CHN2: variants seen among roughly 807,000 people sequenced by gnomAD.
CHN2 encodes the protein beta-chimaerin.
A neutral mutation model predicts 56.3 loss-of-function variants in CHN2; 35 were observed. The ratio of observed to expected loss-of-function variants is 0.62; its 90% CI spans 0.47 to 0.82. CHN2 has a LOEUF of 0.82. CHN2 is among the 40% of genes least tolerant of loss of function. CHN2 has a pLI of 0.00. For synonymous variants in CHN2, 210 were observed against 212.8 expected (o/e 0.99, Z 0.12); for missense variants, 491 against 580.5 (o/e 0.85, Z 1.58).
intron 2 of CHN2, among the ~76,000 whole-genome samples, chr7:29,360,251 G>C (rs1798627349): frequency 1.3e-5 from 2 of 152,250 alleles, no homozygotes; most frequent in Non-Finnish European, 2.9e-5. Context: ...GCCGGGTGCA[G>C]TGGCTCACGC....
intron 1 of CHN2, among the ~76,000 whole-genome samples, chr7:29,278,157 T>A (rs1018700101): frequency 1.3e-5 from 2 of 152,190 alleles, no homozygotes; most frequent in Non-Finnish European, 2.9e-5. Context: ...GCTGGAGCAG[T>A]GGTTTGCAAC....
intron 1 of CHN2, among the ~76,000 whole-genome samples, chr7:29,227,636 C>G (rs1786314832): frequency 6.6e-6 from 1 of 152,200 alleles, no homozygotes; most frequent in African/African-American, 2.4e-5. Flanking sequence ...TGTCACCTGC[C>G]TGGGACCCGA....
chr7:29,481,658 G>T (rs199993458), intron 7 of CHN2, among the ~76,000 whole-genome samples: 37 of 130,810 alleles, frequency 2.8e-4, no homozygotes, highest in Admixed American at 6.0e-4. Context: ...AATGCCTCCC[G>T]TTTTTTTTTT....
At chr7:29,376,643 C>T (rs750605086) in intron 3 of CHN2, among the ~76,000 whole-genome samples, 57 of 152,184 alleles carry the variant, frequency 3.7e-4, no homozygotes, top group Non-Finnish European at 5.7e-4. Context: ...CCTCCCTAAT[C>T]CCTTAGGATA....
intron 7 of CHN2, among the ~76,000 whole-genome samples, chr7:29,492,738 G>C (rs574534183): frequency 1.8e-4 from 27 of 152,238 alleles, no homozygotes; most frequent in African/African-American, 6.5e-4. Context: ...ACCTTCTTCA[G>C]TTCAGTTGAG....
intron 1 of CHN2, among the ~76,000 whole-genome samples, chr7:29,329,600 C>T (rs1796066971): frequency 6.6e-6 from 1 of 152,194 alleles, no homozygotes; most frequent in Non-Finnish European, 1.5e-5. Context: ...ACCGCCCTCA[C>T]TCTCTGAAAG....
chr7:29,442,930 A>ATTTTTTTTTTTTTTTTTTT (rs1238691449), intron 6 of CHN2, among the ~76,000 whole-genome samples: 4 of 102,198 alleles, frequency 3.9e-5, no homozygotes, highest in Non-Finnish European at 5.7e-5. Flanking sequence ...ATTTCATTGA[A>ATTTTTTTTTTTTTTTTTTT]TTTCTTTTTT....
intron 3 of CHN2, among the ~76,000 whole-genome samples, chr7:29,387,001 G>A (rs1585228029): frequency 6.6e-6 from 1 of 152,356 alleles, no homozygotes; most frequent in East Asian, 1.9e-4. Context: ...AAGGAGTGAA[G>A]CACAGTACTT....
chr7:29,482,833 T>C lies in CHN2; in HGVS notation c.654+2477T>C, dbSNP rs1467818525. Among the ~76,000 whole-genome samples, 37 of 62,228 alleles carry C rather than the reference T, an allele frequency of 5.9e-4. 3 individuals are homozygous for C. The highest frequency in any genetic ancestry group is 2.4e-3 in the African/African-American group (36 of 15,030). 40.8% of individuals were successfully genotyped at this position (62,228 alleles called of 152,430 possible). On this transcript the variant is annotated intron_variant, in intron 7 of 12. Transcript: ENST00000222792. The stretch of plus-strand genomic sequence containing the variant: ...TTTTTTTTTTTTTTTTTTTTTTTTT[T>C]TTTTTTGAGACGGAGTCTCGCTGTG...
chr7:29,454,788 C>T (rs956335704), intron 6 of CHN2, among the ~76,000 whole-genome samples: 11 of 152,152 alleles, frequency 7.2e-5, no homozygotes, highest in African/African-American at 2.2e-4. Flanking sequence ...TACGTGACTA[C>T]GTGCATTTGT....
intron 1 of CHN2, among the ~76,000 whole-genome samples, chr7:29,275,599 C>T (rs111753387): frequency 0.017 from 2,646 of 152,292 alleles, 86 homozygotes; most frequent in African/African-American, 0.061. Context: ...TTATCTCATG[C>T]CAGCACTGAG....
chr7:29,379,773 G>C (rs969097101), intron 3 of CHN2, among the ~76,000 whole-genome samples: 1 of 151,884 alleles, frequency 6.6e-6, no homozygotes, highest in Admixed American at 6.6e-5. Flanking sequence ...AGGATGACTT[G>C]GCATGAGAGC....
chr7:29,231,114 A>G (rs1050823591), intron 1 of CHN2, among the ~76,000 whole-genome samples: 2 of 152,220 alleles, frequency 1.3e-5, no homozygotes, highest in African/African-American at 4.8e-5. Context: ...CCAATAAGCT[A>G]TATGGCATGT....
chr7:29,438,320 A>G (rs1421555921), intron 6 of CHN2, among the ~76,000 whole-genome samples: 1 of 152,230 alleles, frequency 6.6e-6, no homozygotes, highest in Non-Finnish European at 1.5e-5. Flanking sequence ...TTAAAGTAAC[A>G]CTAGAATCTT....
chr7:29,327,803 C>T (rs946021160), intron 1 of CHN2, among the ~76,000 whole-genome samples: 4 of 152,176 alleles, frequency 2.6e-5, no homozygotes, highest in African/African-American at 9.7e-5. Flanking sequence ...AAATTTCTTC[C>T]TTGAATCGTA....
intron 6 of CHN2, among the ~76,000 whole-genome samples, chr7:29,418,008 C>G (rs1298637275): frequency 6.6e-6 from 1 of 152,170 alleles, no homozygotes; most frequent in African/African-American, 2.4e-5. Flanking sequence ...AGCACACCCA[C>G]TTGGCAGGTA....
chr7:29,322,841 C>G (rs1166121380), intron 1 of CHN2, among the ~76,000 whole-genome samples: 1 of 152,208 alleles, frequency 6.6e-6, no homozygotes, highest in East Asian at 1.9e-4. Context: ...CGACCTACCT[C>G]CTGAAGCAAC....
At chr7:29,352,271 TAAACCTCATCCA>T (rs1344390600) in intron 1 of CHN2, among the ~76,000 whole-genome samples, 9 of 152,016 alleles carry the variant, frequency 5.9e-5, no homozygotes, top group Non-Finnish European at 1.3e-4. Context: ...CGTCATAGAG[TAAACCTCATCCA>T]AAATAAGAAG....
intron 2 of CHN2, among the ~76,000 whole-genome samples, chr7:29,172,263 C>T (rs961906223): frequency 9.2e-5 from 14 of 152,212 alleles, no homozygotes; most frequent in Non-Finnish European, 1.5e-5. Flanking sequence ...TTCTTGAAAG[C>T]ATGGTTGCTG....
Sources: gnomAD v4.1 joint callset for allele counts (sites outside exome capture counted in the v4.1 genomes callset) on GRCh38, gnomAD v4.1.1 for gene constraint, MANE v1.5 for transcripts, NCBI Gene and HGNC (gene_info 2026-07-23, HGNC 2026-07-21) for gene names.